The following CCDC33 variants were observed in gnomAD, a reference collection of about 807,000 sequenced individuals.
The protein encoded by CCDC33 is coiled-coil domain containing 33, also known as coiled-coil domain-containing protein 33.
In CCDC33, 94 loss-of-function variants were observed where a neutral mutation model predicts 91.9. The ratio of observed to expected loss-of-function variants is 1.02; its 90% CI spans 0.87 to 1.21. The LOEUF (loss-of-function observed/expected upper bound fraction) is 1.21, where lower values mean the gene tolerates loss of function less well. CCDC33 is among the 50% of genes most tolerant of loss of function. CCDC33 has a pLI of 0.00. For synonymous variants in CCDC33, 396 were observed against 374.5 expected, an observed-to-expected ratio of 1.06 and a Z score of -0.66; for missense variants, 940 against 935.5, an observed-to-expected ratio of 1.00 and a Z score of -0.06.
intron 11 of CCDC33, chr15:74,300,188 C>A (rs141371955): frequency 6.6e-6 from 1 of 152,244 alleles, no homozygotes; most frequent in Non-Finnish European, 1.5e-5. Context: ...TGAACTCAAG[C>A]GACCATGAGG....
chr15:74,319,561 G>C (rs1596112435), intron 11 of CCDC33: 1 of 152,650 alleles, frequency 6.6e-6, no homozygotes, highest in South Asian at 2.1e-4. Context: ...GCTGTCAGCA[G>C]AGGCTGGACT....
At chr15:74,203,255 C>T in intron 1 of CCDC33, 3 of 975,976 alleles carry the variant, frequency 3.1e-6, no homozygotes, top group Non-Finnish European at 3.7e-6. Flanking sequence ...AACTCACCCC[C>T]ACAAGGCGGA....
intron 1 of CCDC33, among the ~76,000 whole-genome samples, chr15:74,203,947 A>G (rs2074190600): frequency 6.6e-6 from 1 of 152,206 alleles, no homozygotes; most frequent in African/African-American, 2.4e-5. Flanking sequence ...CAGAGGAAAC[A>G]GCACGGGTGA....
intron 5 of CCDC33, among the ~76,000 whole-genome samples, chr15:74,270,222 C>T (rs2076276886): frequency 6.6e-6 from 1 of 152,066 alleles, no homozygotes; most frequent in South Asian, 2.1e-4. Context: ...GAAAGAGGAG[C>T]CTGAAAGGAG....
At position 74,262,381 on chromosome 15, in the gene CCDC33, G is replaced by A. The variant is rs908523348; in HGVS notation, c.186-59G>A. ...ATTTATGGACAGTGGAGCCTGGGATGGGGACAAGCAGCAGACAGAACCCCT... is the reference window on the plus strand; with the variant it reads ...ATTTATGGACAGTGGAGCCTGGGATAGGGACAAGCAGCAGACAGAACCCCT... On this transcript the variant is annotated intron_variant, in intron 2 of 18. Transcript: ENST00000398814. 1.9e-6 allele frequency: 3 copies of A among 1,602,000 alleles called. No homozygotes were observed. The African/African-American group carries it at 4.0e-5, about 21-fold the overall frequency.
intron 10 of CCDC33, among the ~76,000 whole-genome samples, chr15:74,285,610 A>G (rs917006211): frequency 2.6e-5 from 4 of 151,860 alleles, no homozygotes; most frequent in African/African-American, 4.8e-5. Flanking sequence ...CATAGATCAC[A>G]TAGTCAGCCA....
chr15:74,272,646 C>T (rs1268396952), intron 6 of CCDC33, 125 bp from the exon 7 acceptor site: 4 of 1,323,838 alleles, frequency 3.0e-6, no homozygotes, highest in Non-Finnish European at 4.1e-6. Context: ...GGTCCAGGCC[C>T]GAACTCGGCG....
At chr15:74,297,946 C>T (rs565179378) in intron 11 of CCDC33, among the ~76,000 whole-genome samples, 27 of 152,326 alleles carry the variant, frequency 1.8e-4, no homozygotes, top group South Asian at 4.1e-4. Context: ...CTCACACCAC[C>T]TCTAGAAGCA....
At chr15:74,213,473 G>A (rs1028996229), upstream of CCDC33, 16 of 152,248 alleles carry the variant, frequency 1.1e-4, no homozygotes, top group African/African-American at 3.4e-4. Flanking sequence ...CATAAAAGTG[G>A]ACAATTTTCC....
intron 11 of CCDC33, among the ~76,000 whole-genome samples, chr15:74,327,806 G>A (rs2060340645): frequency 6.6e-6 from 1 of 152,172 alleles, no homozygotes; most frequent in African/African-American, 2.4e-5. Flanking sequence ...CCATGAGCAT[G>A]CTCACAACCC....
chr15:74,213,085 G>A, upstream of CCDC33: 1 of 152,116 alleles, frequency 6.6e-6, no homozygotes, highest in Non-Finnish European at 1.5e-5. Context: ...CAGTAGTGGT[G>A]TACACTTGTA....
chr15:74,305,344 G>C (rs987168845), intron 11 of CCDC33, among the ~76,000 whole-genome samples: 2 of 152,224 alleles, frequency 1.3e-5, no homozygotes. Flanking sequence ...AGCAACGGCT[G>C]TTTGCAGAGG....
chr15:74,210,675 A>T (rs2074353515), intron 2 of CCDC33, among the ~76,000 whole-genome samples: 1 of 152,212 alleles, frequency 6.6e-6, no homozygotes, highest in African/African-American at 2.4e-5. Flanking sequence ...GTGAGTAAGG[A>T]GCTGTGAAGG....
chr15:74,231,040 A>G (rs1384790782), intron 2 of CCDC33, among the ~76,000 whole-genome samples: 1 of 152,212 alleles, frequency 6.6e-6, no homozygotes. Context: ...CTGCTCTGAG[A>G]CAAAACACAG....
chr15:74,289,760 C>G (rs1029493785), intron 10 of CCDC33, among the ~76,000 whole-genome samples: 1 of 150,026 alleles, frequency 6.7e-6, no homozygotes, highest in Non-Finnish European at 1.5e-5. Context: ...ACACCCCAGC[C>G]TGGGCAACAG....
chr15:74,275,091 A>G (rs1355047741), intron 7 of CCDC33, among the ~76,000 whole-genome samples: 1 of 152,204 alleles, frequency 6.6e-6, no homozygotes, highest in East Asian at 1.9e-4. Context: ...CAGTCCCCTC[A>G]TCTCTACACT....
At chr15:74,233,341 C>T (rs2075044328), upstream of CCDC33, among the ~76,000 whole-genome samples, 1 of 152,358 alleles carries the variant, frequency 6.6e-6, no homozygotes, top group Non-Finnish European at 1.5e-5. Flanking sequence ...CCCACTGCCA[C>T]GCACCCTCGG....
chr15:74,248,299 C>T (rs949800151), intron 2 of CCDC33, among the ~76,000 whole-genome samples: 3 of 150,444 alleles, frequency 2.0e-5, no homozygotes, highest in African/African-American at 4.9e-5. Flanking sequence ...AATAAAACAG[C>T]GAAAATATGT....
chr15:74,247,107 T>G (rs2075555499), intron 2 of CCDC33, among the ~76,000 whole-genome samples: 1 of 150,514 alleles, frequency 6.6e-6, no homozygotes, highest in East Asian at 2.0e-4. Context: ...ATTGCGCCAC[T>G]GCACTCCAGC....
Sources: allele counts gnomAD v4.1 joint callset (sites outside exome capture counted in the v4.1 genomes callset), GRCh38; gene constraint gnomAD v4.1.1; transcripts MANE v1.5; gene names NCBI Gene and HGNC (gene_info 2026-07-23, HGNC 2026-07-21).